XRCC5: variants seen among roughly 807,000 people sequenced by gnomAD.
The protein encoded by XRCC5 is DNA repair protein Ku80.
XRCC5 carries 12 observed loss-of-function variants against 95.7 expected under a neutral mutation model. That is an observed-to-expected ratio of 0.13 (90% CI 0.08 to 0.20). XRCC5 has a LOEUF of 0.20. XRCC5 is among the 10% of genes least tolerant of loss of function. The pLI, the probability that XRCC5 is intolerant of heterozygous loss-of-function variation, is 1.00. For missense variants in XRCC5, 595 were observed against 873.9 expected (o/e 0.68, Z 4.02); for synonymous variants, 281 against 290.3 (o/e 0.97, Z 0.33).
chr2:216,199,914 CT>C (rs1443960634), intron 19 of XRCC5, among the ~76,000 whole-genome samples: 10 of 145,092 alleles, frequency 6.9e-5, no homozygotes, highest in African/African-American at 2.3e-4. Context: ...TATTTTAGCA[CT>C]TATTTTTCTT....
At chr2:216,156,634 C>T in intron 14 of XRCC5, 1 of 559,666 alleles carries the variant, frequency 1.8e-6, no homozygotes, top group Non-Finnish European at 3.6e-6. Flanking sequence ...CATCTGCCTA[C>T]ATATAGTGAC....
chr2:216,164,858 A>T (rs1240384400), intron 16 of XRCC5, among the ~76,000 whole-genome samples: 2 of 152,246 alleles, frequency 1.3e-5, no homozygotes, highest in Non-Finnish European at 2.9e-5. Context: ...TGCAGAGCAG[A>T]GAAAGCACCT....
intron 8 of XRCC5, among the ~76,000 whole-genome samples, chr2:216,128,280 TA>T (rs1696927922): frequency 6.6e-6 from 1 of 152,192 alleles, no homozygotes; most frequent in African/African-American, 2.4e-5. Flanking sequence ...AAATGATGGT[TA>T]AGATAGAAAC....
chr2:216,177,298 C>G (rs1388068573), intron 16 of XRCC5, among the ~76,000 whole-genome samples: 1 of 152,114 alleles, frequency 6.6e-6, no homozygotes, highest in East Asian at 1.9e-4. Flanking sequence ...CACCTTGAGA[C>G]CTTGTGTGCT....
chr2:216,162,006 T>G lies in XRCC5; in HGVS notation c.1792T>G (p.Phe598Val). The change falls in exon 16 of 21, where the codon TTC becomes GTC. Residue 598 changes from phenylalanine to valine, a missense_variant. Phe to Val is a conservative substitution (Grantham distance 50). This residue lies in a region of XRCC5 where 309 missense variants were observed against 382.9 expected (regional missense o/e 0.81). Transcript: ENST00000392132. ...SVGSVNPAENFRVLVKQKKAS... is the reference protein window; with the variant it reads ...SVGSVNPAENVRVLVKQKKAS... Reference sequence around the variant, plus strand: ...TGGAAGTGTGAATCCTGCTGAAAACTTCCGTGTTCTAGTGAAACAGAAGAA... The same window carrying G: ...TGGAAGTGTGAATCCTGCTGAAAACGTCCGTGTTCTAGTGAAACAGAAGAA... 6.2e-7 allele frequency: 1 copy of G among 1,614,194 alleles called. No homozygotes were observed. The highest frequency in any genetic ancestry group is 8.5e-7 in the Non-Finnish European group (1 of 1,180,012).
intron 18 of XRCC5, among the ~76,000 whole-genome samples, chr2:216,193,813 C>A (rs1214975935): frequency 6.6e-6 from 1 of 152,196 alleles, no homozygotes; most frequent in African/African-American, 2.4e-5. Context: ...CATAGGTACA[C>A]ATGGGTGTTA....
intron 13 of XRCC5, among the ~76,000 whole-genome samples, chr2:216,145,405 C>G (rs1688610175): frequency 6.6e-6 from 1 of 152,190 alleles, no homozygotes; most frequent in African/African-American, 2.4e-5. Flanking sequence ...ATAATTGATA[C>G]AATGGTGCTA....
At chr2:216,185,214 A>G (rs973537054) in intron 16 of XRCC5, among the ~76,000 whole-genome samples, 2 of 152,160 alleles carry the variant, frequency 1.3e-5, no homozygotes, top group African/African-American at 4.8e-5. Context: ...GCTTTAACAC[A>G]CTTCGTAACC....
intron 6 of XRCC5, among the ~76,000 whole-genome samples, chr2:216,123,049 GTACTT>G (rs2106004557): frequency 6.6e-6 from 1 of 152,252 alleles, no homozygotes; most frequent in Admixed American, 6.5e-5. Flanking sequence ...TGGCAATAGA[GTACTT>G]TACATAGCAG....
intron 10 of XRCC5, among the ~76,000 whole-genome samples, chr2:216,133,205 T>G (rs775246717): frequency 9.9e-5 from 15 of 152,246 alleles, no homozygotes; most frequent in Non-Finnish European, 1.9e-4. Context: ...CTGAATGAAT[T>G]ATTAGAGCAC....
chr2:216,136,493 T>G (rs1332398254), intron 10 of XRCC5, among the ~76,000 whole-genome samples: 1 of 151,480 alleles, frequency 6.6e-6, no homozygotes, highest in Non-Finnish European at 1.5e-5. Flanking sequence ...TACAAATTGG[T>G]GGAGAAAAGA....
chr2:216,164,008 T>C (rs1314008985), intron 16 of XRCC5, among the ~76,000 whole-genome samples: 4 of 152,188 alleles, frequency 2.6e-5, no homozygotes, highest in Admixed American at 2.6e-4. Flanking sequence ...AGTGACAGTT[T>C]TCTAGGATTG....
At chr2:216,154,566 T>TC (rs1688807504) in intron 14 of XRCC5, among the ~76,000 whole-genome samples, 1 of 152,218 alleles carries the variant, frequency 6.6e-6, no homozygotes, top group South Asian at 2.1e-4. Flanking sequence ...TTCATGCTGC[T>TC]ACCTGAGTGA....
intron 14 of XRCC5, among the ~76,000 whole-genome samples, chr2:216,148,798 A>G (rs1688686586): frequency 6.6e-6 from 1 of 152,208 alleles, no homozygotes; most frequent in Non-Finnish European, 1.5e-5. Context: ...TGTAGTTTTA[A>G]GTATTGCAAA....
At chr2:216,177,992 A>G (rs1319097298) in intron 16 of XRCC5, among the ~76,000 whole-genome samples, 2 of 152,244 alleles carry the variant, frequency 1.3e-5, no homozygotes, top group Non-Finnish European at 2.9e-5. Context: ...AGGGCAGTAG[A>G]TGAAATTATT....
chr2:216,190,042 C>A (rs1231844660), intron 16 of XRCC5, among the ~76,000 whole-genome samples, 183 bp from the exon 17 acceptor site: 2 of 152,130 alleles, frequency 1.3e-5, no homozygotes, highest in African/African-American at 4.8e-5. Context: ...TCAGACTTTG[C>A]AAATACAGAG....
At chr2:216,137,766 G>A (rs958862852) in intron 11 of XRCC5, among the ~76,000 whole-genome samples, 2 of 152,202 alleles carry the variant, frequency 1.3e-5, no homozygotes, top group African/African-American at 4.8e-5. Flanking sequence ...TGGCCGAACT[G>A]GAAAGAGAAG....
chr2:216,148,036 C>T, intron 13 of XRCC5, 47 bp from the exon 14 acceptor site: 2 of 1,561,644 alleles, frequency 1.3e-6, no homozygotes, highest in Admixed American at 2.1e-5. Context: ...ATAAAGAAGC[C>T]ATATATGTCT....
intron 8 of XRCC5, among the ~76,000 whole-genome samples, chr2:216,129,893 G>A (rs1034075697): frequency 5.3e-5 from 8 of 152,070 alleles, no homozygotes; most frequent in African/African-American, 1.7e-4. Flanking sequence ...AGCCAGGATG[G>A]TCTCAATCTC....
Sources: allele counts gnomAD v4.1 joint callset (sites outside exome capture counted in the v4.1 genomes callset), GRCh38; gene constraint gnomAD v4.1.1; regional missense constraint gnomAD v4.1.1; transcripts MANE v1.5; gene names NCBI Gene and HGNC (gene_info 2026-07-23, HGNC 2026-07-21).